Variants in MID1 observed in about 807,000 individuals in gnomAD.
MID1 encodes the protein E3 ubiquitin-protein ligase Midline-1.
Under a neutral mutation model 40.4 loss-of-function variants are expected in MID1, and 7 were observed. The observed-to-expected ratio is 0.17, with a 90% CI of 0.10 to 0.33. The LOEUF is 0.33. Ranked by LOEUF, MID1 falls within the 10% of genes least tolerant of loss-of-function variation. MID1 has a pLI of 1.00. For synonymous variants in MID1, 229 were observed against 221.2 expected, an observed-to-expected ratio of 1.04 and a Z score of -0.31; for missense variants, 367 against 558.5, an observed-to-expected ratio of 0.66 and a Z score of 3.46.
In MID1 at chrX:10,664,779, T is replaced by C. The variant is rs143437442; in HGVS notation, c.-186-44360A>G. On this transcript the variant is annotated intron_variant, in intron 1 of 10. Coordinates refer to the MID1 transcript ENST00000380785. ...TGATGGCTCCTGGTAGTTACTAAAC[T>C]AACCATCAAAGTCCTTTCTTGCACA... Among the ~76,000 whole-genome samples, 347 of 112,105 alleles carry C rather than the reference T, an allele frequency of 3.1e-3. 2 individuals carry two copies. Among genetic ancestry groups the C allele is most frequent in the African/African-American group, 0.011 (334 of 30,884 alleles).
chrX:10,684,912 C>G (rs1463768367), intron 1 of MID1, among the ~76,000 whole-genome samples: 1 of 111,352 alleles, frequency 9.0e-6, no homozygotes, highest in East Asian at 2.8e-4. Context: ...CACCCCAAGC[C>G]CCAGGCAACT....
chrX:10,648,848 C>G (rs1374221422), intron 1 of MID1, among the ~76,000 whole-genome samples: 6 of 111,390 alleles, frequency 5.4e-5, no homozygotes. Context: ...ACATGATCCT[C>G]TGCCTTCTTT....
intron 2 of MID1, among the ~76,000 whole-genome samples, chrX:10,553,936 G>A (rs1934024351): frequency 9.0e-6 from 1 of 111,526 alleles, no homozygotes; most frequent in Admixed American, 9.5e-5. Context: ...TTTTTTAAGG[G>A]TGGTATGTTT....
chrX:10,471,416 G>C (rs1043700085), intron 6 of MID1, among the ~76,000 whole-genome samples: 2 of 112,390 alleles, frequency 1.8e-5, no homozygotes, highest in Non-Finnish European at 3.8e-5. Flanking sequence ...TTATCTATTG[G>C]TTCTGAATTC....
rs747730799 is a variant in MID1, at chrX:10,499,849, C to T, written c.757-4158G>A. 5.6e-4 allele frequency among the ~76,000 whole-genome samples: 63 copies of T among 112,212 alleles called. 1 individual carries two copies. The highest frequency in any genetic ancestry group is 2.0e-3 in the African/African-American group (63 of 30,910). The stretch of plus-strand genomic sequence containing the variant: ...CCCACTGCTAATTCTAGAGTACGGG[C>T]TGTGAAATGAAATGTGGTGTGTAAT... On this transcript the variant is annotated intron_variant, in intron 3 of 9. Transcript: ENST00000317552.
chrX:10,798,647 C>T (rs1458678646), intron 1 of MID1, among the ~76,000 whole-genome samples: 1 of 111,628 alleles, frequency 9.0e-6, no homozygotes, highest in Non-Finnish European at 1.9e-5. Context: ...TCTTTACCCA[C>T]TCTGAGCTCA....
intron 3 of MID1, among the ~76,000 whole-genome samples, chrX:10,511,175 G>A (rs1932132682): frequency 1.9e-5 from 2 of 107,110 alleles, no homozygotes; most frequent in African/African-American, 6.9e-5. Context: ...AACCCCAGGA[G>A]GTAGAGGTTG....
intron 1 of MID1, among the ~76,000 whole-genome samples, chrX:10,748,479 G>T (rs1330503675): frequency 1.8e-5 from 2 of 111,861 alleles, no homozygotes; most frequent in African/African-American, 3.3e-5. Context: ...ATAGGTTGTT[G>T]ATGTCTTTGC....
At chrX:10,579,793 C>CTTTT (rs765255047) in intron 1 of MID1, among the ~76,000 whole-genome samples, 3 of 94,965 alleles carry the variant, frequency 3.2e-5, no homozygotes, top group African/African-American at 7.7e-5. Flanking sequence ...GGGAAGAAGT[C>CTTTT]TTTTTTTTTT....
intron 4 of MID1, among the ~76,000 whole-genome samples, chrX:10,490,698 T>G (rs1282953183): frequency 1.8e-5 from 2 of 112,325 alleles, no homozygotes; most frequent in Non-Finnish European, 3.8e-5. Flanking sequence ...GATCATACAC[T>G]CTACATAAAA....
At chrX:10,565,807 A>ATTTTTTTT in intron 2 of MID1, among the ~76,000 whole-genome samples, 1 of 87,004 alleles carries the variant, frequency 1.1e-5, no homozygotes. Flanking sequence ...TTAGAGAGTG[A>ATTTTTTTT]TTTTTTTTTT....
In MID1 at chrX:10,714,870, C is replaced by T. The variant is rs531998283; in HGVS notation, c.-186-94451G>A. Among the ~76,000 whole-genome samples the T allele has an allele frequency of 3.1e-4, 35 of 111,702 alleles. No individual in the cohort carries two copies. The South Asian group carries it at 5.6e-3, about 18-fold the overall frequency. On this transcript the variant is annotated intron_variant, in intron 1 of 10. Transcript: ENST00000380785. ...CAACTAGTGACAATATGTAGAATGC[C>T]GAGCTTTGTTTAAAAAAATAAAATT...
At chrX:10,808,449 CTCT>C in intron 1 of MID1, among the ~76,000 whole-genome samples, 1 of 110,598 alleles carries the variant, frequency 9.0e-6, no homozygotes, top group African/African-American at 3.3e-5. Flanking sequence ...CTCTGTGGTG[CTCT>C]TCATTATGGC....
intron 1 of MID1, among the ~76,000 whole-genome samples, chrX:10,651,505 A>T (rs914323291): frequency 8.9e-6 from 1 of 112,523 alleles, no homozygotes; most frequent in Non-Finnish European, 1.9e-5. Flanking sequence ...TTCTGCTTTC[A>T]TATGACAGCC....
intron 2 of MID1, among the ~76,000 whole-genome samples, chrX:10,541,520 A>G (rs1933468837): frequency 8.9e-6 from 1 of 111,783 alleles, no homozygotes; most frequent in African/African-American, 3.3e-5. Flanking sequence ...AATTACATAT[A>G]TCAAGACTGA....
rs186597636 is a variant in MID1, at chrX:10,689,858, A to G, written c.-186-69439T>C. Among the ~76,000 whole-genome samples, 21 of 111,459 alleles carry G rather than the reference A, an allele frequency of 1.9e-4. No individual in the cohort carries two copies. In the East Asian group the frequency reaches 4.5e-3, roughly 24 times the overall value. On this transcript the variant is annotated intron_variant, in intron 1 of 10. Transcript: ENST00000380785. ...GGCCTAACTTTAGGATCATTTTGTC[A>G]ATATCTGGAAAGAATTTCATTGAAA...
intron 1 of MID1, among the ~76,000 whole-genome samples, chrX:10,614,890 A>C (rs1935813264): frequency 8.9e-6 from 1 of 112,397 alleles, no homozygotes; most frequent in South Asian, 3.7e-4. Flanking sequence ...CATTAATCAG[A>C]TTGATTATTT....
At chrX:10,598,502 G>A (rs1030318059) in intron 1 of MID1, among the ~76,000 whole-genome samples, 1 of 112,142 alleles carries the variant, frequency 8.9e-6, no homozygotes, top group African/African-American at 3.2e-5. Context: ...TGTTAGAAAG[G>A]GAGATGATGC....
chrX:10,652,212 C>T (rs1020618459), intron 1 of MID1, among the ~76,000 whole-genome samples: 1 of 111,508 alleles, frequency 9.0e-6, no homozygotes, highest in Non-Finnish European at 1.9e-5. Flanking sequence ...AATTATAATA[C>T]TTCAGCTCGT....
Sources: allele counts gnomAD v4.1 joint callset (sites outside exome capture counted in the v4.1 genomes callset), GRCh38; gene constraint gnomAD v4.1.1; transcripts MANE v1.5; gene names NCBI Gene and HGNC (gene_info 2026-07-23, HGNC 2026-07-21).